SNTG1: variants seen among roughly 807,000 people sequenced by gnomAD.
SNTG1 encodes syntrophin gamma 1, also known as gamma-1-syntrophin.
Under a neutral mutation model 74.7 loss-of-function variants are expected in SNTG1, and 39 were observed. The ratio of observed to expected loss-of-function variants is 0.52; its 90% confidence interval spans 0.40 to 0.68. SNTG1 has a LOEUF of 0.68. Ranked by LOEUF, SNTG1 falls within the 30% of genes least tolerant of loss-of-function variation. The pLI, the probability that SNTG1 is intolerant of heterozygous loss-of-function variation, is 0.00. For synonymous variants in SNTG1, 254 were observed against 217.1 expected (o/e 1.17, Z -1.49); for missense variants, 685 against 609.5 (o/e 1.12, Z -1.30).
intron 2 of SNTG1, among the ~76,000 whole-genome samples, chr8:50,215,420 A>G (rs916900535): frequency 4.8e-4 from 71 of 147,282 alleles, no homozygotes; most frequent in African/African-American, 1.6e-3. Flanking sequence ...TATACTATAT[A>G]TATTTTATAT....
intron 1 of SNTG1, among the ~76,000 whole-genome samples, chr8:50,029,608 G>C (rs566391138): frequency 1.3e-5 from 2 of 152,162 alleles, no homozygotes; most frequent in Admixed American, 1.3e-4. Context: ...TGTGAAACTT[G>C]TCTTTCTGTG....
intron 13 of SNTG1, among the ~76,000 whole-genome samples, chr8:50,626,932 G>GA (rs2094960375): frequency 6.6e-6 from 1 of 151,976 alleles, no homozygotes; most frequent in African/African-American, 2.4e-5. Context: ...AGTCATTGTG[G>GA]AAAAAATATA....
intron 1 of SNTG1, among the ~76,000 whole-genome samples, chr8:49,932,941 C>A (rs909778332): frequency 6.6e-6 from 1 of 152,108 alleles, no homozygotes; most frequent in African/African-American, 2.4e-5. Context: ...TTGCAGCATA[C>A]CTGAGTGCTT....
rs149036492 is a variant in SNTG1, at chr8:50,057,928, T to G, written c.-102-114633T>G. ...ATGTTTTTCAGACAGTGATAGTCTATGTGCACTTTTTAATTTATTGAATAT... is the reference window on the plus strand; with the variant it reads ...ATGTTTTTCAGACAGTGATAGTCTAGGTGCACTTTTTAATTTATTGAATAT... On this transcript the variant is annotated intron_variant, in intron 1 of 18. Transcript: ENST00000642720. Among the ~76,000 whole-genome samples, 33 of 152,314 alleles carry G rather than the reference T, an allele frequency of 2.2e-4. No homozygotes were observed. The East Asian group carries it at 6.4e-3, about 29-fold the overall frequency.
chr8:50,183,750 C>G (rs2083288764), intron 2 of SNTG1, among the ~76,000 whole-genome samples: 1 of 152,072 alleles, frequency 6.6e-6, no homozygotes, highest in African/African-American at 2.4e-5. Flanking sequence ...AACTTGTGAC[C>G]CCCAAACCTC....
chr8:50,517,616 C>CAAAAAAAAAAAAAAA (rs1161724778), intron 9 of SNTG1, among the ~76,000 whole-genome samples: 25 of 62,260 alleles, frequency 4.0e-4, no homozygotes, highest in Middle Eastern at 0.012. Flanking sequence ...AAATGGAAAG[C>CAAAAAAAAAAAAAAA]AAAAAAAAAA....
At chr8:50,226,367 G>T (rs1001326854) in intron 2 of SNTG1, among the ~76,000 whole-genome samples, 1 of 152,140 alleles carries the variant, frequency 6.6e-6, no homozygotes, top group Non-Finnish European at 1.5e-5. Flanking sequence ...GATGTCCTTT[G>T]TGGGGGAAAC....
chr8:50,174,809 C>T (rs1422188917), intron 2 of SNTG1, among the ~76,000 whole-genome samples: 2 of 151,828 alleles, frequency 1.3e-5, no homozygotes, highest in Middle Eastern at 3.4e-3. Flanking sequence ...GTGCTGCACC[C>T]ATTAACTCAT....
intron 1 of SNTG1, among the ~76,000 whole-genome samples, chr8:50,010,527 CAT>C (rs1563466917): frequency 1.3e-5 from 2 of 152,174 alleles, no homozygotes; most frequent in African/African-American, 4.8e-5. Context: ...ATTACTAACA[CAT>C]ATGGATGAAA....
At chr8:50,559,244 T>C (rs916056117) in intron 12 of SNTG1, among the ~76,000 whole-genome samples, 2 of 152,134 alleles carry the variant, frequency 1.3e-5, no homozygotes, top group African/African-American at 4.8e-5. Flanking sequence ...TTTAGATAAA[T>C]AAACAAAATT....
intron 8 of SNTG1, among the ~76,000 whole-genome samples, chr8:50,454,235 G>T (rs1293049173): frequency 6.6e-6 from 1 of 152,192 alleles, no homozygotes; most frequent in African/African-American, 2.4e-5. Context: ...GGTGGCTCAT[G>T]CCTGTAATCC....
chr8:50,639,284 A>G (rs1433482311), intron 13 of SNTG1, among the ~76,000 whole-genome samples: 2 of 150,538 alleles, frequency 1.3e-5, no homozygotes, highest in Non-Finnish European at 3.0e-5. Flanking sequence ...TTCTTTACTC[A>G]TTGGCTTTTA....
chr8:50,305,107 G>T (rs904564879), intron 2 of SNTG1, among the ~76,000 whole-genome samples: 2 of 151,582 alleles, frequency 1.3e-5, no homozygotes, highest in South Asian at 4.2e-4. Flanking sequence ...CACCATGTTG[G>T]CCAGGCTGGT....
chr8:50,685,949 CAT>C lies in SNTG1; in HGVS notation c.1039-18650_1039-18649del, dbSNP rs370828539. On this transcript the variant is annotated intron_variant, in intron 15 of 18. Coordinates refer to ENST00000642720, the MANE Select transcript of SNTG1 (RefSeq NM_018967.5). Reference sequence around the variant, plus strand: ...GCAATATCACACTGTGTTATAGAGACATGTGTGTGTGTGTGTTCTTGGGTGCA... The same window carrying C: ...GCAATATCACACTGTGTTATAGAGACGTGTGTGTGTGTGTTCTTGGGTGCA... Among the ~76,000 whole-genome samples, 238 of 152,196 alleles carry C rather than the reference CAT, an allele frequency of 1.6e-3. 1 individual carries two copies. The highest frequency in any genetic ancestry group is 4.9e-3 in the African/African-American group (204 of 41,508).
At chr8:50,119,179 C>T (rs2080919248) in intron 1 of SNTG1, among the ~76,000 whole-genome samples, 1 of 141,352 alleles carries the variant, frequency 7.1e-6, no homozygotes. Flanking sequence ...CTCTCACTGC[C>T]TTTCTCTATA....
At chr8:50,748,420 T>A (rs539771690) in intron 17 of SNTG1, among the ~76,000 whole-genome samples, 1 of 152,092 alleles carries the variant, frequency 6.6e-6, no homozygotes, top group South Asian at 2.1e-4. Flanking sequence ...GAAATCTGGG[T>A]TTTAAGGATC....
intron 13 of SNTG1, among the ~76,000 whole-genome samples, chr8:50,594,012 C>A (rs749642929): frequency 6.6e-6 from 1 of 152,136 alleles, no homozygotes; most frequent in Non-Finnish European, 1.5e-5. Flanking sequence ...GCCACAACAC[C>A]CAACCTGATT....
At chr8:50,487,830 G>A (rs1021144861) in intron 8 of SNTG1, among the ~76,000 whole-genome samples, 2 of 145,426 alleles carry the variant, frequency 1.4e-5, no homozygotes, top group Non-Finnish European at 3.0e-5. Flanking sequence ...AAAACTTAAA[G>A]TATAAAAAAA....
intron 17 of SNTG1, among the ~76,000 whole-genome samples, chr8:50,719,392 C>T (rs531295457): frequency 6.6e-6 from 1 of 152,226 alleles, no homozygotes; most frequent in South Asian, 2.1e-4. Context: ...GCACTATTTT[C>T]GAAGCAGAGA....
Sources: allele counts gnomAD v4.1 joint callset (sites outside exome capture counted in the v4.1 genomes callset), GRCh38; gene constraint gnomAD v4.1.1; transcripts MANE v1.5; gene names NCBI Gene and HGNC (gene_info 2026-07-23, HGNC 2026-07-21).